ITCH: variants seen among roughly 807,000 people sequenced by gnomAD.
The protein encoded by ITCH is E3 ubiquitin-protein ligase Itchy homolog.
ITCH carries 28 observed loss-of-function variants against 126.8 expected under a neutral mutation model. That is an observed-to-expected ratio of 0.22 (90% confidence interval 0.16 to 0.30). The LOEUF (loss-of-function observed/expected upper bound fraction) is 0.30. Ranked by LOEUF, ITCH falls within the 10% of genes least tolerant of loss-of-function variation. The pLI, the probability that ITCH is intolerant of heterozygous loss-of-function variation, is 1.00. For missense variants in ITCH, 631 were observed against 1,032.4 expected (o/e 0.61, Z 5.33); for synonymous variants, 342 against 340.0 (o/e 1.01, Z -0.06).
intron 6 of ITCH, among the ~76,000 whole-genome samples, chr20:34,424,183 A>T (rs569466700): frequency 1.3e-5 from 2 of 152,170 alleles, no homozygotes; most frequent in Non-Finnish European, 2.9e-5. Context: ...TTTAAATTAG[A>T]GTTAGACATA....
chr20:34,434,424 G>A (rs1312865957), intron 7 of ITCH, among the ~76,000 whole-genome samples: 2 of 152,216 alleles, frequency 1.3e-5, no homozygotes, highest in Non-Finnish European at 2.9e-5. Context: ...AACATTTTAG[G>A]TTTGGGTGCT....
intron 16 of ITCH, among the ~76,000 whole-genome samples, chr20:34,477,365 T>C (rs1988328205): frequency 6.6e-6 from 1 of 152,178 alleles, no homozygotes; most frequent in Non-Finnish European, 1.5e-5. Context: ...ACCCCGTCTC[T>C]ACTAAAAATA....
At chr20:34,415,402 T>TA (rs1426940558) in intron 6 of ITCH, among the ~76,000 whole-genome samples, 2 of 151,022 alleles carry the variant, frequency 1.3e-5, no homozygotes, top group Admixed American at 6.6e-5. Context: ...TTGCAAAAAA[T>TA]AAAAAAATTT....
chr20:34,511,712 T>C lies in ITCH; in HGVS notation c.*3918T>C, dbSNP rs1163662910. Among the ~76,000 whole-genome samples the C allele has an allele frequency of 6.6e-6, 1 of 152,238 alleles. No homozygotes were observed. On this transcript the variant is annotated 3_prime_UTR_variant, in exon 25 of 25. Transcript: ENST00000374864. ...AAACTACAAAGTTTTCCAGAGCTTA[T>C]TTACATTATAAGCTATATGTCTACA...
At chr20:34,393,910 C>T (rs1001061345) in intron 3 of ITCH, 29 bp downstream of exon 3, 1 of 1,584,494 alleles carries the variant, frequency 6.3e-7, no homozygotes, top group East Asian at 2.2e-5. Flanking sequence ...GGCTGCTTTA[C>T]TTTATTTTTC....
chr20:34,371,410 G>A (rs966214841), intron 2 of ITCH, among the ~76,000 whole-genome samples: 28 of 150,162 alleles, frequency 1.9e-4, no homozygotes, highest in African/African-American at 6.6e-4. Context: ...CTGAGTAGCT[G>A]GGACTCGGGA....
chr20:34,471,563 G>T (rs764102801), intron 16 of ITCH, 48 bp downstream of exon 16: 1 of 1,178,882 alleles, frequency 8.5e-7, no homozygotes, highest in Admixed American at 1.7e-5. Context: ...GCTAGCTTAG[G>T]ACCCGCTTTT....
At chr20:34,489,982 CT>C in intron 22 of ITCH, 56 bp downstream of exon 22, 1 of 1,312,690 alleles carries the variant, frequency 7.6e-7, no homozygotes, top group Admixed American at 1.7e-5. Flanking sequence ...TTAGAATTTG[CT>C]TACCACATAT....
At chr20:34,482,857 TGCAA>T (rs911900053) in intron 20 of ITCH, among the ~76,000 whole-genome samples, 73 of 152,280 alleles carry the variant, frequency 4.8e-4, no homozygotes, top group Non-Finnish European at 7.4e-5. Context: ...GCCCTGCCCC[TGCAA>T]GCAGACTTTT....
At chr20:34,389,932 C>T (rs2038423372) in intron 2 of ITCH, among the ~76,000 whole-genome samples, 1 of 152,036 alleles carries the variant, frequency 6.6e-6, no homozygotes, top group Non-Finnish European at 1.5e-5. Context: ...ACCAGCCTGG[C>T]CAGCATGATG....
chr20:34,372,061 C>T (rs1601736862), intron 2 of ITCH, among the ~76,000 whole-genome samples: 1 of 152,002 alleles, frequency 6.6e-6, no homozygotes. Flanking sequence ...AATCCTAGCA[C>T]TTTGGGAGGC....
intron 4 of ITCH, 96 bp downstream of exon 4, chr20:34,408,888 T>TG: frequency 8.0e-7 from 1 of 1,251,426 alleles, no homozygotes; most frequent in Admixed American, 2.1e-5. Context: ...TTTTTGTTGT[T>TG]GTTGTTCCTC....
chr20:34,427,189 T>C (rs931939927), intron 7 of ITCH, among the ~76,000 whole-genome samples: 1 of 152,248 alleles, frequency 6.6e-6, no homozygotes, highest in Non-Finnish European at 1.5e-5. Flanking sequence ...TTCACATTCT[T>C]ATGATGAAGA....
At position 34,446,632 on chromosome 20, in the gene ITCH, AT is replaced by A. The variant is rs922104597; in HGVS notation, c.1140+1180del. Among the ~76,000 whole-genome samples the A allele has an allele frequency of 1.5e-4, 22 of 150,016 alleles. No homozygotes were observed. In the East Asian group the frequency reaches 1.6e-3, roughly 11 times the overall value. ...TCTTGTGTACTTTACCCTTCTTTTC[AT>A]TTTTTTTTCTATGCTGTTTTACATC... is the stretch of plus-strand genomic sequence containing the variant. On this transcript the variant is annotated intron_variant, in intron 11 of 24. Coordinates refer to ENST00000374864, the MANE Select transcript of ITCH (RefSeq NM_031483.7).
intron 1 of ITCH, among the ~76,000 whole-genome samples, chr20:34,364,724 C>CAAAAAAAAAAAAAAAAAAAAAAA (rs1171765663): frequency 1.5e-4 from 7 of 45,552 alleles, no homozygotes; most frequent in Non-Finnish European, 1.8e-4. Context: ...ACTAAAAATA[C>CAAAAAAAAAAAAAAAAAAAAAAA]AAAAAAAAAA....
At chr20:34,483,096 G>T (rs138956947) in intron 20 of ITCH, among the ~76,000 whole-genome samples, 1 of 151,992 alleles carries the variant, frequency 6.6e-6, no homozygotes, top group Admixed American at 6.6e-5. Flanking sequence ...TGCACACAGC[G>T]TGGGGACCCT....
chr20:34,495,292 A>AT (rs1284427410), intron 23 of ITCH, among the ~76,000 whole-genome samples: 11,004 of 81,454 alleles, frequency 0.14, 477 homozygotes, highest in Non-Finnish European at 0.17. Context: ...ATAAATAAAT[A>AT]AAATATATAT....
At chr20:34,402,304 T>C (rs779794937) in intron 3 of ITCH, 346 of 1,152,130 alleles carry the variant, frequency 3.0e-4, no homozygotes, top group Non-Finnish European at 4.2e-4. Flanking sequence ...TTCAGCAGTC[T>C]CTGGAGTGAT....
chr20:34,438,348 A>G, intron 7 of ITCH, 126 bp from the exon 8 acceptor site: 1 of 974,060 alleles, frequency 1.0e-6, no homozygotes, highest in East Asian at 2.5e-5. Context: ...CTGACCAGAA[A>G]TTAAAAAGCT....
Sources: allele counts gnomAD v4.1 joint callset (sites outside exome capture counted in the v4.1 genomes callset), GRCh38; gene constraint gnomAD v4.1.1; transcripts MANE v1.5; gene names NCBI Gene and HGNC (gene_info 2026-07-23, HGNC 2026-07-21).